The following SUCLG2 variants were observed in gnomAD, a reference collection of about 807,000 sequenced individuals.
SUCLG2 encodes the protein succinate-CoA ligase GDP-forming subunit beta.
In SUCLG2, 42 loss-of-function variants were observed where a neutral mutation model predicts 47.9. That is an observed-to-expected ratio of 0.88 (90% confidence interval 0.69 to 1.14). SUCLG2 has a LOEUF of 1.14. Among genes scored for constraint, SUCLG2 ranks in the 50% most tolerant of loss-of-function variants. The pLI is 0.00. For missense variants in SUCLG2, 571 were observed against 525.9 expected, an observed-to-expected ratio of 1.09 and a Z score of -0.84; for synonymous variants, 195 against 197.3, an observed-to-expected ratio of 0.99 and a Z score of 0.10.
intron 9 of SUCLG2, among the ~76,000 whole-genome samples, chr3:67,419,911 C>T (rs1367478408): frequency 6.6e-6 from 1 of 152,106 alleles, no homozygotes; most frequent in Non-Finnish European, 1.5e-5. Flanking sequence ...AGGCATGTTT[C>T]TCTTTAAGAT....
chr3:67,512,911 AC>A (rs1048577070), intron 6 of SUCLG2, among the ~76,000 whole-genome samples: 3 of 149,172 alleles, frequency 2.0e-5, no homozygotes, highest in Admixed American at 6.7e-5. Flanking sequence ...ACACACACAC[AC>A]CCCCCTCTAT....
intron 10 of SUCLG2, among the ~76,000 whole-genome samples, chr3:67,398,232 C>T (rs186290046): frequency 1.3e-5 from 2 of 150,360 alleles, no homozygotes; most frequent in African/African-American, 4.9e-5. Flanking sequence ...AGTGAACAGG[C>T]AATCTACAAA....
At chr3:67,634,022 A>C (rs57485648) in intron 1 of SUCLG2, among the ~76,000 whole-genome samples, 2 of 152,192 alleles carry the variant, frequency 1.3e-5, no homozygotes, top group African/African-American at 2.4e-5. Context: ...AGAAAACTAA[A>C]ATTTTCAGAT....
intron 10 of SUCLG2, among the ~76,000 whole-genome samples, chr3:67,385,034 A>G (rs1702232386): frequency 6.6e-6 from 1 of 152,170 alleles, no homozygotes; most frequent in Non-Finnish European, 1.5e-5. Flanking sequence ...AGACTGAATC[A>G]CCTGTAAGTC....
intron 4 of SUCLG2, among the ~76,000 whole-genome samples, chr3:67,522,993 G>T (rs1337449760): frequency 6.6e-6 from 1 of 151,866 alleles, no homozygotes; most frequent in Non-Finnish European, 1.5e-5. Flanking sequence ...GTAGAGACGG[G>T]GTTTCACCAT....
intron 6 of SUCLG2, chr3:67,514,073 A>T (rs574666362): frequency 1.7e-5 from 6 of 342,962 alleles, no homozygotes; most frequent in Non-Finnish European, 3.5e-5. Context: ...CAGCTGAAAC[A>T]GCAGTACTTG....
At chr3:67,368,322 A>T (rs1359167525) in intron 10 of SUCLG2, among the ~76,000 whole-genome samples, 1 of 152,178 alleles carries the variant, frequency 6.6e-6, no homozygotes, top group Non-Finnish European at 1.5e-5. Context: ...ACTTGCTGAT[A>T]TTTCCTGAAA....
intron 7 of SUCLG2, among the ~76,000 whole-genome samples, chr3:67,505,503 G>A (rs767954581): frequency 1.6e-4 from 24 of 152,090 alleles, no homozygotes; most frequent in Non-Finnish European, 2.8e-4. Flanking sequence ...TTCTTTCTCC[G>A]TGTCAAAAAT....
At chr3:67,626,908 C>A (rs191931706) in intron 1 of SUCLG2, among the ~76,000 whole-genome samples, 54 of 105,654 alleles carry the variant, frequency 5.1e-4, no homozygotes, top group Non-Finnish European at 8.7e-4. Flanking sequence ...AGTGAGACTC[C>A]GTCTCAAAAA....
intron 9 of SUCLG2, among the ~76,000 whole-genome samples, chr3:67,490,889 T>C (rs143593046): frequency 0.017 from 2,590 of 152,292 alleles, 31 homozygotes; most frequent in African/African-American, 0.036. Context: ...TGCCTCATAC[T>C]TACCTGAATG....
chr3:67,545,929 T>TAA lies in SUCLG2; in HGVS notation c.227-16744_227-16743insTT, dbSNP rs778824767. 4.2e-3 allele frequency among the ~76,000 whole-genome samples: 638 copies of TAA among 152,342 alleles called. 5 individuals are homozygous for TAA. Among genetic ancestry groups the TAA allele is most frequent in the Middle Eastern group, 0.01 (3 of 294 alleles). Reference sequence around the variant, plus strand: ...ACAGAACCACTCCCAAATAAGAATGTATCCACTTAAATCCCTGTGAATTGG... The same window carrying TAA: ...ACAGAACCACTCCCAAATAAGAATGTAAATCCACTTAAATCCCTGTGAATTGG... On this transcript the variant is annotated intron_variant, in intron 2 of 10. Transcript: ENST00000307227.
At chr3:67,535,016 A>G (rs1273805201) in intron 2 of SUCLG2, among the ~76,000 whole-genome samples, 1 of 152,142 alleles carries the variant, frequency 6.6e-6, no homozygotes, top group Non-Finnish European at 1.5e-5. Context: ...TATGATATAC[A>G]TTGACAGTAA....
intron 1 of SUCLG2, among the ~76,000 whole-genome samples, chr3:67,646,442 A>C (rs897767686): frequency 8.5e-5 from 13 of 152,068 alleles, no homozygotes; most frequent in African/African-American, 2.7e-4. Context: ...TAAAAATACA[A>C]AAATTAGCTA....
chr3:67,518,241 A>T lies in SUCLG2; in HGVS notation c.660+6T>A. On this transcript the variant is annotated splice_donor_region_variant and intron_variant, in intron 6 of 10. Coordinates refer to ENST00000307227, the MANE Select transcript of SUCLG2 (RefSeq NM_003848.4). ...CAGACACACCATCCCCCAATGGCTT[A>T]TATACCTGGCTTTTCAAAGGCCCAA... 1.9e-6 allele frequency: 3 copies of T among 1,609,898 alleles called. No individual in the cohort carries two copies. Among genetic ancestry groups the T allele is most frequent in the Non-Finnish European group, 2.5e-6 (3 of 1,177,428 alleles).
intron 2 of SUCLG2, among the ~76,000 whole-genome samples, chr3:67,531,668 C>A (rs1052441954): frequency 1.3e-5 from 2 of 152,046 alleles, no homozygotes; most frequent in Non-Finnish European, 2.9e-5. Context: ...ACACCCCAGG[C>A]CAAAAATGAG....
At chr3:67,571,997 CA>C (rs989007813) in intron 2 of SUCLG2, among the ~76,000 whole-genome samples, 4 of 152,158 alleles carry the variant, frequency 2.6e-5, no homozygotes, top group African/African-American at 9.7e-5. Context: ...ACAAAGGAAA[CA>C]ATCAAGCAAT....
intron 9 of SUCLG2, among the ~76,000 whole-genome samples, chr3:67,425,492 C>G (rs1703275162): frequency 6.6e-6 from 1 of 152,040 alleles, no homozygotes; most frequent in African/African-American, 2.4e-5. Context: ...TGGGTGGGCA[C>G]CATCCAATCT....
At chr3:67,499,875 G>A (rs1207190695) in intron 7 of SUCLG2, among the ~76,000 whole-genome samples, 1 of 152,076 alleles carries the variant, frequency 6.6e-6, no homozygotes, top group Non-Finnish European at 1.5e-5. Flanking sequence ...GGGACTACAG[G>A]CATGTGCCAC....
intron 2 of SUCLG2, among the ~76,000 whole-genome samples, chr3:67,549,157 T>G (rs186202078): frequency 1.3e-5 from 2 of 152,368 alleles, no homozygotes; most frequent in Admixed American, 1.3e-4. Context: ...CAAGTATTTC[T>G]GTGTGGCTCT....
Sources: gnomAD v4.1 joint callset for allele counts (sites outside exome capture counted in the v4.1 genomes callset) on GRCh38, gnomAD v4.1.1 for gene constraint, MANE v1.5 for transcripts, NCBI Gene and HGNC (gene_info 2026-07-23, HGNC 2026-07-21) for gene names.